The following FBXO25 variants were observed in gnomAD, a reference collection of about 807,000 sequenced individuals.
The protein encoded by FBXO25 is F-box protein 25, also known as F-box only protein 25.
In FBXO25, 45 loss-of-function variants were observed where a neutral mutation model predicts 51.9. The observed-to-expected ratio is 0.87, with a 90% CI of 0.68 to 1.11. FBXO25 has a LOEUF of 1.11. Ranked by LOEUF, FBXO25 falls within the 50% of genes most tolerant of loss-of-function variation. The pLI is 0.00. For synonymous variants in FBXO25, 199 were observed against 151.0 expected (o/e 1.32, Z -2.33); for missense variants, 507 against 428.5 (o/e 1.18, Z -1.62).
At chr8:429,174 C>T (rs1463164378) in intron 2 of FBXO25, among the ~76,000 whole-genome samples, 1 of 152,140 alleles carries the variant, frequency 6.6e-6, no homozygotes, top group East Asian at 1.9e-4. Context: ...CACGAGGGAT[C>T]CAGTTTCCCC....
intron 5 of FBXO25, among the ~76,000 whole-genome samples, chr8:446,084 G>A (rs919645367): frequency 1.3e-5 from 2 of 152,082 alleles, no homozygotes; most frequent in African/African-American, 4.8e-5. Context: ...CCTGAGTTCA[G>A]TCTTCTGTAA....
intron 5 of FBXO25, 144 bp from the exon 6 acceptor site, chr8:449,846 C>G: frequency 1.6e-6 from 1 of 625,200 alleles, no homozygotes; most frequent in Non-Finnish European, 2.8e-6. Context: ...GTGACTGTTT[C>G]CTATACTTGG....
chr8:435,344 C>T (rs894096826), intron 4 of FBXO25: 231 of 454,588 alleles, frequency 5.1e-4, no homozygotes, highest in Non-Finnish European at 7.4e-4. Flanking sequence ...CAAAACAAAC[C>T]GGCAAGATAT....
intron 2 of FBXO25, among the ~76,000 whole-genome samples, chr8:424,311 G>A (rs1461374881): frequency 1.3e-5 from 2 of 152,080 alleles, no homozygotes; most frequent in Non-Finnish European, 2.9e-5. Context: ...CATTCCGTAG[G>A]TTGTCTATAT....
intron 4 of FBXO25, among the ~76,000 whole-genome samples, chr8:434,476 A>G (rs1797988865): frequency 1.3e-5 from 2 of 152,120 alleles, no homozygotes; most frequent in South Asian, 4.1e-4. Flanking sequence ...CAGTCAACAT[A>G]TTTGGATGTT....
At chr8:428,192 C>T (rs1015758662) in intron 2 of FBXO25, among the ~76,000 whole-genome samples, 4 of 151,748 alleles carry the variant, frequency 2.6e-5, no homozygotes, top group East Asian at 3.9e-4. Context: ...AAAAGTGATT[C>T]CCTGTCCTTG....
chr8:407,823 C>G (rs1435601545), intron 1 of FBXO25, among the ~76,000 whole-genome samples: 1 of 152,088 alleles, frequency 6.6e-6, no homozygotes, highest in Non-Finnish European at 1.5e-5. Flanking sequence ...TTTCTTGCAG[C>G]AGACACTAAT....
At chr8:462,291 G>C (rs1799865751) in intron 8 of FBXO25, among the ~76,000 whole-genome samples, 1 of 152,204 alleles carries the variant, frequency 6.6e-6, no homozygotes, top group South Asian at 2.1e-4. Context: ...TTAGATAAAT[G>C]TCTTTGCATG....
At chr8:441,447 A>G (rs184978913) in intron 5 of FBXO25, among the ~76,000 whole-genome samples, 2 of 152,234 alleles carry the variant, frequency 1.3e-5, no homozygotes, top group African/African-American at 2.4e-5. Flanking sequence ...CATTCAGGAC[A>G]TAGGCATGGG....
At chr8:407,957 T>G (rs1488503183) in intron 1 of FBXO25, among the ~76,000 whole-genome samples, 4 of 152,210 alleles carry the variant, frequency 2.6e-5, no homozygotes, top group East Asian at 3.9e-4. Flanking sequence ...ATTTCTTCCC[T>G]TATGAAGCTG....
At position 417,030 on chromosome 8, in the gene FBXO25, C is replaced by T. The variant is rs1388040460; in HGVS notation, c.134+3817C>T. On this transcript the variant is annotated intron_variant, in intron 2 of 9. Transcript: ENST00000350302. ...GATGAATGGATATCTGAGGGCAGGG[C>T]CTCCCCGGCAGGGAAAGAAAAGTGC... Among the ~76,000 whole-genome samples, 6 of 152,134 alleles carry T rather than the reference C, an allele frequency of 3.9e-5. No homozygotes were observed. The South Asian group carries it at 6.2e-4, about 16-fold the overall frequency.
intron 2 of FBXO25, among the ~76,000 whole-genome samples, chr8:426,894 G>C (rs1288013424): frequency 3.6e-4 from 55 of 152,254 alleles, no homozygotes; most frequent in African/African-American, 1.2e-3. Flanking sequence ...AGTGTGTCGT[G>C]TTAGATATTT....
chr8:468,763 C>T lies in FBXO25; in HGVS notation c.1036C>T (p.Pro346Ser). 2 of 1,614,078 alleles carry T rather than the reference C, an allele frequency of 1.2e-6. No individual in the cohort carries two copies. The highest frequency in any genetic ancestry group is 1.7e-6 in the Non-Finnish European group (2 of 1,180,032). The change falls in exon 10 of 10, where the codon CCT becomes TCT. Residue 346 changes from proline to serine, a missense_variant. Transcript: ENST00000350302. ...GGCCGACCCTGACAGCTGCTTCACGCCTGTGTCTCCGCAGCACTTCATCGA... is the reference window on the plus strand; with the variant it reads ...GGCCGACCCTGACAGCTGCTTCACGTCTGTGTCTCCGCAGCACTTCATCGA... ...TAADPDSCFTPVSPQHFIDLF... is the reference protein window; with the variant it reads ...TAADPDSCFTSVSPQHFIDLF...
At chr8:442,162 C>T (rs1302166927) in intron 5 of FBXO25, among the ~76,000 whole-genome samples, 3 of 152,084 alleles carry the variant, frequency 2.0e-5, no homozygotes, top group Non-Finnish European at 2.9e-5. Flanking sequence ...ATAATTTATT[C>T]AGTAGGCCCT....
chr8:419,074 C>T (rs899530115), intron 2 of FBXO25, among the ~76,000 whole-genome samples: 2 of 152,076 alleles, frequency 1.3e-5, no homozygotes, highest in African/African-American at 4.8e-5. Flanking sequence ...AAAGTCAGAG[C>T]AACGGCTGGG....
At position 451,156 on chromosome 8, in the gene FBXO25, A is replaced by T. The variant is rs1371644812; in HGVS notation, c.476-113A>T. On this transcript the variant is annotated intron_variant, in intron 6 of 9. Transcript: ENST00000350302. ...TAATATTCTATTGCATGTATAGATC[A>T]CACGTTGTTTGTCTGTTCGTCTATC... 31 of 804,934 alleles carry T rather than the reference A, an allele frequency of 3.9e-5. No individual in the cohort carries two copies. In the East Asian group the frequency reaches 8.1e-4, roughly 21 times the overall value. The allele number at this position is 804,934 out of a possible 1,614,324, so 49.9% of individuals were successfully genotyped here.
rs563865320 is a variant in FBXO25 at position 476,129 on chromosome 8, T to C, written c.*7325T>C. 1.3e-5 allele frequency: 2 copies of C among 152,296 alleles called. No individual in the cohort carries two copies. Among genetic ancestry groups the C allele is most frequent in the South Asian group, 4.1e-4 (2 of 4,822 alleles). 9.4% of individuals were successfully genotyped at this position (152,296 alleles called of 1,614,324 possible). A position where few individuals can be genotyped will look rare whatever the true frequency, so the allele number is the denominator to read the frequency against. The stretch of plus-strand genomic sequence containing the variant: ...TTTTCTCCATCAATGGAGATCACAT[T>C]TTTTTCCTTCATTCTATTAATGTAA... On this transcript the variant is annotated 3_prime_UTR_variant, in exon 10 of 10. Transcript: ENST00000350302.
At chr8:412,982 A>G in intron 1 of FBXO25, 91 bp from the exon 2 acceptor site, 1 of 1,052,854 alleles carries the variant, frequency 9.5e-7, no homozygotes, top group African/African-American at 2.0e-5. Flanking sequence ...AATGTTAAGA[A>G]CTTTAATCTT....
rs901636842 is a variant in FBXO25, at chr8:475,248, C to T, written c.*6444C>T. On this transcript the variant is annotated 3_prime_UTR_variant, in exon 10 of 10. Transcript: ENST00000350302. ...TTGGCACCATCAAAAATCATTTGACCCATATGTGCAAGGGTTTATTTGGGG... is the reference window on the plus strand; with the variant it reads ...TTGGCACCATCAAAAATCATTTGACTCATATGTGCAAGGGTTTATTTGGGG... The T allele has an allele frequency of 2.6e-5, 7 of 268,628 alleles. No homozygotes were observed. Among genetic ancestry groups the T allele is most frequent in the South Asian group, 2.4e-4 (6 of 24,520 alleles). 16.6% of individuals were successfully genotyped at this position (268,628 alleles called of 1,614,324 possible).
Sources: allele counts gnomAD v4.1 joint callset (sites outside exome capture counted in the v4.1 genomes callset), GRCh38; gene constraint gnomAD v4.1.1; transcripts MANE v1.5; gene names NCBI Gene and HGNC (gene_info 2026-07-23, HGNC 2026-07-21).